The following PTPRT variants were observed in gnomAD, a reference collection of about 807,000 sequenced individuals.
PTPRT encodes receptor-type tyrosine-protein phosphatase T.
PTPRT carries 56 observed loss-of-function variants against 176.8 expected under a neutral mutation model. That is an observed-to-expected ratio of 0.32 (90% confidence interval 0.26 to 0.40). The LOEUF (loss-of-function observed/expected upper bound fraction) is 0.40, where lower values mean the gene tolerates loss of function less well. Ranked by LOEUF, PTPRT falls within the 10% of genes least tolerant of loss-of-function variation. The pLI, the probability that PTPRT is intolerant of heterozygous loss-of-function variation, is 1.00. For synonymous variants in PTPRT, 783 were observed against 739.0 expected (o/e 1.06, Z -0.96); for missense variants, 1,540 against 1,908.2 (o/e 0.81, Z 3.60).
At chr20:42,538,971 C>T (rs569582402) in intron 7 of PTPRT, among the ~76,000 whole-genome samples, 3 of 152,300 alleles carry the variant, frequency 2.0e-5, no homozygotes, top group African/African-American at 4.8e-5. Flanking sequence ...GCAACTATCA[C>T]TAATTCTCCC....
At chr20:43,094,064 C>T (rs2012000382) in intron 1 of PTPRT, among the ~76,000 whole-genome samples, 1 of 151,132 alleles carries the variant, frequency 6.6e-6, no homozygotes, top group Non-Finnish European at 1.5e-5. Context: ...AATCCTATTT[C>T]TTCTCTGTTT....
chr20:43,064,097 T>C lies in PTPRT; in HGVS notation c.88+125549A>G, dbSNP rs576285641. On this transcript the variant is annotated intron_variant, in intron 1 of 30. Transcript: ENST00000373187. The stretch of plus-strand genomic sequence containing the variant: ...CCTATTCATCCTACCCAATTTCCTC[T>C]TCTTCTTGGGAACAGAGTGAGACCA... Among the ~76,000 whole-genome samples the C allele has an allele frequency of 4.6e-5, 7 of 152,298 alleles. 1 individual carries two copies. The highest frequency in any genetic ancestry group is 2.0e-4 in the Admixed American group (3 of 15,300).
At chr20:43,014,594 G>A (rs1411126133) in intron 1 of PTPRT, among the ~76,000 whole-genome samples, 1 of 151,882 alleles carries the variant, frequency 6.6e-6, no homozygotes, top group Non-Finnish European at 1.5e-5. Context: ...TGAGTTTCAG[G>A]GGGTTATTTA....
chr20:42,123,487 G>A (rs1306195751), intron 19 of PTPRT, among the ~76,000 whole-genome samples: 2 of 152,232 alleles, frequency 1.3e-5, no homozygotes, highest in Non-Finnish European at 2.9e-5. Flanking sequence ...ACTCTGTGGA[G>A]TACCCATGGG....
chr20:42,578,875 C>T (rs1003936709), intron 7 of PTPRT, among the ~76,000 whole-genome samples: 1 of 146,966 alleles, frequency 6.8e-6, no homozygotes, highest in Non-Finnish European at 1.5e-5. Context: ...TTACAATGGC[C>T]TTTGAGTCTT....
chr20:42,039,102 C>T, the PTPRT span, among the ~76,000 whole-genome samples: 2 of 152,222 alleles, frequency 1.3e-5, no homozygotes, highest in Middle Eastern at 3.4e-3. Context: ...TAGTGGTTTC[C>T]TTTGCTTCTC....
At chr20:42,789,920 T>C (rs1308215657) in intron 3 of PTPRT, among the ~76,000 whole-genome samples, 1 of 152,164 alleles carries the variant, frequency 6.6e-6, no homozygotes, top group East Asian at 1.9e-4. Context: ...AACTGTACCA[T>C]GGATATTAAC....
intron 15 of PTPRT, among the ~76,000 whole-genome samples, chr20:42,227,571 A>G (rs890389188): frequency 1.1e-4 from 17 of 148,868 alleles, no homozygotes; most frequent in African/African-American, 3.7e-4. Flanking sequence ...GTCAGCATCA[A>G]TTGTAGCGAA....
At chr20:42,264,726 C>T (rs1295521917) in intron 13 of PTPRT, among the ~76,000 whole-genome samples, 1 of 152,228 alleles carries the variant, frequency 6.6e-6, no homozygotes, top group Non-Finnish European at 1.5e-5. Context: ...TGCCTTGGGT[C>T]ACTGCAGGAG....
At chr20:43,012,482 G>C (rs903792727) in intron 1 of PTPRT, among the ~76,000 whole-genome samples, 6 of 152,146 alleles carry the variant, frequency 3.9e-5, no homozygotes, top group Non-Finnish European at 7.4e-5. Flanking sequence ...TTCAAAAGAT[G>C]AAAAAGTTTG....
chr20:43,043,027 T>G (rs1394187270), intron 1 of PTPRT, among the ~76,000 whole-genome samples: 1 of 152,156 alleles, frequency 6.6e-6, no homozygotes, highest in African/African-American at 2.4e-5. Context: ...CCCATCTGAA[T>G]CACAGAAAGG....
intron 15 of PTPRT, among the ~76,000 whole-genome samples, chr20:42,218,978 G>A (rs1387085695): frequency 6.6e-6 from 1 of 152,208 alleles, no homozygotes; most frequent in Non-Finnish European, 1.5e-5. Context: ...GTTTGCAATG[G>A]AGATTCATGG....
chr20:42,182,225 G>A (rs1990554561), intron 16 of PTPRT, among the ~76,000 whole-genome samples: 1 of 152,162 alleles, frequency 6.6e-6, no homozygotes, highest in Non-Finnish European at 1.5e-5. Context: ...TCATCTGGAG[G>A]GCAATGGGAA....
intron 2 of PTPRT, among the ~76,000 whole-genome samples, chr20:42,845,927 T>A (rs1355159640): frequency 6.6e-6 from 1 of 152,116 alleles, no homozygotes; most frequent in African/African-American, 2.4e-5. Context: ...TTGTTCTCAG[T>A]CATGAGACAG....
the PTPRT span, among the ~76,000 whole-genome samples, chr20:42,053,884 G>A: frequency 2.3e-4 from 35 of 152,254 alleles, no homozygotes; most frequent in Admixed American, 1.7e-3. Context: ...TGATTCATAC[G>A]GTGATGTACG....
At chr20:42,949,365 A>G (rs773210128) in intron 1 of PTPRT, among the ~76,000 whole-genome samples, 6 of 152,240 alleles carry the variant, frequency 3.9e-5, no homozygotes, top group Non-Finnish European at 7.3e-5. Context: ...TGAGGTGGCC[A>G]TGATGGAAGG....
chr20:42,073,555 G>T lies in PTPRT; in HGVS notation c.*7324C>A, dbSNP rs1026248787. Reference sequence around the variant, plus strand: ...TTCACTGGTTCTGGCTGTCACTCATGGCCCTGTTGGTCAGTGGGTCTGAGT... The same window carrying T: ...TTCACTGGTTCTGGCTGTCACTCATTGCCCTGTTGGTCAGTGGGTCTGAGT... On this transcript the variant is annotated 3_prime_UTR_variant, in exon 31 of 31. Coordinates refer to ENST00000373187, the MANE Select transcript of PTPRT (RefSeq NM_007050.6). The T allele has an allele frequency of 1.4e-5, 3 of 217,464 alleles. No individual in the cohort carries two copies. The highest frequency in any genetic ancestry group is 6.8e-5 in the African/African-American group (3 of 44,400). The allele number at this position is 217,464 out of a possible 1,614,324, so 13.5% of individuals were successfully genotyped here.
At chr20:42,900,745 C>A (rs2079389610) in intron 1 of PTPRT, among the ~76,000 whole-genome samples, 1 of 152,148 alleles carries the variant, frequency 6.6e-6, no homozygotes, top group Non-Finnish European at 1.5e-5. Flanking sequence ...GTAAAAGAGT[C>A]TTGGAACATG....
chr20:42,956,254 G>A (rs1439251683), intron 1 of PTPRT, among the ~76,000 whole-genome samples: 1 of 152,150 alleles, frequency 6.6e-6, no homozygotes, highest in Non-Finnish European at 1.5e-5. Flanking sequence ...ACTGCCGGAG[G>A]TGGGACCTAG....
Sources: gnomAD v4.1 joint callset for allele counts (sites outside exome capture counted in the v4.1 genomes callset) on GRCh38, gnomAD v4.1.1 for gene constraint, MANE v1.5 for transcripts, NCBI Gene and HGNC (gene_info 2026-07-23, HGNC 2026-07-21) for gene names.